RSRC1: variants seen among roughly 807,000 people sequenced by gnomAD.
The protein encoded by RSRC1 is arginine and serine rich coiled-coil 1.
RSRC1 carries 39 observed loss-of-function variants against 49.1 expected under a neutral mutation model. The ratio of observed to expected loss-of-function variants is 0.79; its 90% CI spans 0.61 to 1.04. The LOEUF is 1.04. RSRC1 is among the 50% of genes least tolerant of loss of function. The probability of loss-of-function intolerance (pLI) is 0.00; values close to 1 mark genes in which losing one functional copy is unlikely to be tolerated. For synonymous variants in RSRC1, 143 were observed against 130.8 expected, an observed-to-expected ratio of 1.09 and a Z score of -0.63; for missense variants, 388 against 402.4, an observed-to-expected ratio of 0.96 and a Z score of 0.31.
At chr3:158,294,943 C>A (rs1212840181) in intron 4 of RSRC1, among the ~76,000 whole-genome samples, 3 of 152,010 alleles carry the variant, frequency 2.0e-5, no homozygotes, top group Non-Finnish European at 4.4e-5. Context: ...GATGTCATAT[C>A]CTTAAATATA....
At chr3:158,236,240 G>A (rs1222815170) in intron 4 of RSRC1, among the ~76,000 whole-genome samples, 1 of 152,102 alleles carries the variant, frequency 6.6e-6, no homozygotes, top group African/African-American at 2.4e-5. Context: ...GTTCAAGAGA[G>A]TTTGTCTACC....
At chr3:158,131,280 A>G (rs1316438081) in intron 3 of RSRC1, among the ~76,000 whole-genome samples, 1 of 152,118 alleles carries the variant, frequency 6.6e-6, no homozygotes, top group Non-Finnish European at 1.5e-5. Flanking sequence ...GGAATTTGTT[A>G]GTACCAATCA....
chr3:158,442,328 C>G (rs532560592), intron 6 of RSRC1, among the ~76,000 whole-genome samples: 79 of 152,272 alleles, frequency 5.2e-4, no homozygotes, highest in Non-Finnish European at 9.3e-4. Context: ...AGTCAATCCT[C>G]TCAAACTGTG....
At chr3:158,453,324 C>T (rs1318855305) in intron 6 of RSRC1, among the ~76,000 whole-genome samples, 1 of 151,340 alleles carries the variant, frequency 6.6e-6, no homozygotes, top group African/African-American at 2.4e-5. Flanking sequence ...TTGCTTGATG[C>T]AGGGTATATG....
intron 4 of RSRC1, among the ~76,000 whole-genome samples, chr3:158,270,604 T>G (rs1725461458): frequency 6.6e-6 from 1 of 152,248 alleles, no homozygotes; most frequent in Admixed American, 6.5e-5. Flanking sequence ...GTTTAAAATT[T>G]GGAATAATAA....
intron 1 of RSRC1, among the ~76,000 whole-genome samples, chr3:158,110,884 G>C (rs946260109): frequency 2.0e-5 from 3 of 152,192 alleles, no homozygotes; most frequent in South Asian, 4.1e-4. Context: ...ACAATGCACC[G>C]TAAGGCATGT....
At chr3:158,468,942 A>G (rs1480384424) in intron 7 of RSRC1, among the ~76,000 whole-genome samples, 1 of 152,200 alleles carries the variant, frequency 6.6e-6, no homozygotes, top group East Asian at 1.9e-4. Flanking sequence ...AGGAAAATAT[A>G]TAGACGAAGA....
intron 3 of RSRC1, among the ~76,000 whole-genome samples, chr3:158,164,838 A>G (rs1718444064): frequency 6.6e-6 from 1 of 152,210 alleles, no homozygotes; most frequent in Non-Finnish European, 1.5e-5. Context: ...ATTTAAATTC[A>G]CTTGGATATA....
intron 4 of RSRC1, among the ~76,000 whole-genome samples, chr3:158,271,547 ATT>A (rs1559970503): frequency 6.6e-6 from 1 of 152,016 alleles, no homozygotes; most frequent in Non-Finnish European, 1.5e-5. Flanking sequence ...TGCACCATAT[ATT>A]TTTTTGTATG....
rs1264308609 is a variant in RSRC1, at chr3:158,435,718, G to A, written c.584-25217G>A. On this transcript the variant is annotated intron_variant, in intron 6 of 9. Transcript: ENST00000611884. ...ATTTTTTAGTAAGGGAAGACTTTAC[G>A]CTTAGAAAATTGTAGATAAGCATGT... 4.6e-5 allele frequency among the ~76,000 whole-genome samples: 7 copies of A among 151,424 alleles called. No homozygotes were observed. In the East Asian group the frequency reaches 5.8e-4, roughly 13 times the overall value.
At chr3:158,365,315 C>T (rs920144563) in intron 6 of RSRC1, among the ~76,000 whole-genome samples, 1 of 151,796 alleles carries the variant, frequency 6.6e-6, no homozygotes, top group Non-Finnish European at 1.5e-5. Context: ...CACCCCCCGA[C>T]AGGCCCCGGT....
intron 5 of RSRC1, among the ~76,000 whole-genome samples, chr3:158,323,663 G>T (rs545521515): frequency 2.4e-4 from 37 of 152,212 alleles, no homozygotes; most frequent in African/African-American, 8.9e-4. Flanking sequence ...CCCCAAGCAA[G>T]AAGATCAAAA....
chr3:158,514,994 T>C (rs1218945235), intron 7 of RSRC1, among the ~76,000 whole-genome samples: 119 of 151,890 alleles, frequency 7.8e-4, no homozygotes, highest in Non-Finnish European at 1.5e-3. Flanking sequence ...ATCCTTTTAT[T>C]TTGAGCCTAT....
chr3:158,243,931 C>T (rs1333536053), intron 4 of RSRC1, among the ~76,000 whole-genome samples: 1 of 140,688 alleles, frequency 7.1e-6, no homozygotes, highest in African/African-American at 2.6e-5. Flanking sequence ...TCAGCTTAAG[C>T]TTTTGGGCTG....
At chr3:158,178,328 TG>T (rs1329073661) in intron 3 of RSRC1, among the ~76,000 whole-genome samples, 1 of 151,974 alleles carries the variant, frequency 6.6e-6, no homozygotes, top group African/African-American at 2.4e-5. Context: ...TTGGTACAGA[TG>T]GGGTTTCACC....
At chr3:158,280,877 G>A (rs1412589600) in intron 4 of RSRC1, among the ~76,000 whole-genome samples, 1 of 151,936 alleles carries the variant, frequency 6.6e-6, no homozygotes, top group Non-Finnish European at 1.5e-5. Context: ...GAACTCCTGA[G>A]CTCAGGCAAT....
chr3:158,449,246 A>G (rs1736889553), intron 6 of RSRC1, among the ~76,000 whole-genome samples: 1 of 151,966 alleles, frequency 6.6e-6, no homozygotes, highest in African/African-American at 2.4e-5. Flanking sequence ...AACTTAAAAA[A>G]AAATTTAATA....
chr3:158,183,581 A>T (rs561815126), intron 3 of RSRC1, among the ~76,000 whole-genome samples: 1 of 152,230 alleles, frequency 6.6e-6, no homozygotes, highest in Admixed American at 6.5e-5. Flanking sequence ...TTATAAAAAT[A>T]AAAAGTAAAA....
chr3:158,466,222 A>G (rs1737883978), intron 7 of RSRC1, among the ~76,000 whole-genome samples: 2 of 152,094 alleles, frequency 1.3e-5, no homozygotes, highest in African/African-American at 2.4e-5. Flanking sequence ...AAGTCATACT[A>G]TTTTTGCTTC....
Sources: allele counts gnomAD v4.1 joint callset (sites outside exome capture counted in the v4.1 genomes callset), GRCh38; gene constraint gnomAD v4.1.1; transcripts MANE v1.5; gene names NCBI Gene and HGNC (gene_info 2026-07-23, HGNC 2026-07-21).